Variants in FOXP1 observed in about 807,000 individuals in gnomAD.
FOXP1 encodes forkhead box protein P1.
FOXP1 carries 15 observed loss-of-function variants against 98.2 expected under a neutral mutation model. That is an observed-to-expected ratio of 0.15 (90% CI 0.10 to 0.24). FOXP1 has a LOEUF of 0.24. Ranked by LOEUF, FOXP1 falls within the 10% of genes least tolerant of loss-of-function variation. FOXP1 has a pLI of 1.00. For missense variants in FOXP1, 633 were observed against 848.5 expected (o/e 0.75, Z 3.15); for synonymous variants, 371 against 314.5 (o/e 1.18, Z -1.90).
intron 2 of FOXP1, among the ~76,000 whole-genome samples, chr3:71,534,102 G>A (rs563120378): frequency 1.1e-4 from 16 of 152,312 alleles, no homozygotes; most frequent in African/African-American, 3.4e-4. Flanking sequence ...GGTGGCAAAC[G>A]CCTGTAATCT....
chr3:71,474,915 C>A (rs975892970), intron 3 of FOXP1, among the ~76,000 whole-genome samples: 3 of 152,106 alleles, frequency 2.0e-5, no homozygotes, highest in African/African-American at 7.2e-5. Flanking sequence ...TGATTCTGGT[C>A]CCTGGTGCCA....
At chr3:71,145,593 G>T (rs2060271581) in intron 6 of FOXP1, among the ~76,000 whole-genome samples, 1 of 152,166 alleles carries the variant, frequency 6.6e-6, no homozygotes, top group Non-Finnish European at 1.5e-5. Flanking sequence ...TGTTTTCCAA[G>T]GTGGCAGCAT....
chr3:70,977,062 A>T lies in FOXP1; in HGVS notation c.1429-20T>A. 6.6e-7 allele frequency: 1 copy of T among 1,523,546 alleles called. No homozygotes were observed. The allele number at this position is 1,523,546 out of a possible 1,614,324, so 94.4% of individuals were successfully genotyped here. ...AATGGCCTGTGAAGCAGAATGTAAC[A>T]GAAGATAATTTATGACCAAATCAGC... On this transcript the variant is annotated intron_variant, in intron 16 of 20. Transcript: ENST00000649528.
At chr3:71,095,480 A>T (rs1261453718) in intron 7 of FOXP1, among the ~76,000 whole-genome samples, 1 of 152,350 alleles carries the variant, frequency 6.6e-6, no homozygotes, top group South Asian at 2.1e-4. Context: ...TAAAACAGAT[A>T]AAGAGGTAAG....
At chr3:71,577,678 A>G (rs1172917199) in intron 2 of FOXP1, among the ~76,000 whole-genome samples, 1 of 152,178 alleles carries the variant, frequency 6.6e-6, no homozygotes, top group Admixed American at 6.5e-5. Flanking sequence ...ACAAATGACA[A>G]GAAAGATCAT....
chr3:71,195,608 T>C (rs902108392), intron 6 of FOXP1, among the ~76,000 whole-genome samples: 3 of 152,234 alleles, frequency 2.0e-5, no homozygotes, highest in African/African-American at 7.2e-5. Context: ...GTCTTTGTAC[T>C]ACGGAATCTG....
At chr3:71,384,271 TCC>T (rs2080402995) in intron 3 of FOXP1, among the ~76,000 whole-genome samples, 1 of 152,126 alleles carries the variant, frequency 6.6e-6, no homozygotes, top group African/African-American at 2.4e-5. Flanking sequence ...CTGTTAAACA[TCC>T]TTCCAAATTT....
At chr3:71,347,781 G>A (rs918798013) in intron 4 of FOXP1, among the ~76,000 whole-genome samples, 2 of 151,854 alleles carry the variant, frequency 1.3e-5, no homozygotes, top group Non-Finnish European at 2.9e-5. Context: ...GCTACTCGGA[G>A]GGCTGAGGCA....
At chr3:71,088,144 C>A (rs565575594) in intron 7 of FOXP1, among the ~76,000 whole-genome samples, 1 of 152,296 alleles carries the variant, frequency 6.6e-6, no homozygotes, top group African/African-American at 2.4e-5. Flanking sequence ...TGCGAAAGAG[C>A]AACCAAGCTT....
intron 3 of FOXP1, among the ~76,000 whole-genome samples, chr3:71,473,913 C>T (rs1355525651): frequency 1.3e-5 from 2 of 152,170 alleles, no homozygotes; most frequent in Admixed American, 6.5e-5. Context: ...TGAAGCCCTA[C>T]ATGGGTGGGA....
chr3:71,088,567 T>C (rs1456539048), intron 7 of FOXP1, among the ~76,000 whole-genome samples: 1 of 152,208 alleles, frequency 6.6e-6, no homozygotes, highest in African/African-American at 2.4e-5. Context: ...AACAGTCTAT[T>C]TGAGTTGCGT....
At chr3:71,085,942 A>G (rs1368416016) in intron 7 of FOXP1, among the ~76,000 whole-genome samples, 1 of 151,222 alleles carries the variant, frequency 6.6e-6, no homozygotes, top group Non-Finnish European at 1.5e-5. Context: ...GTTGGCCAGG[A>G]TGGCCTTGAT....
At chr3:71,278,515 G>A (rs888386199) in intron 5 of FOXP1, among the ~76,000 whole-genome samples, 2 of 152,204 alleles carry the variant, frequency 1.3e-5, no homozygotes, top group East Asian at 3.9e-4. Context: ...GGGCACGGTG[G>A]CTCACACCTG....
intron 2 of FOXP1, among the ~76,000 whole-genome samples, chr3:71,559,600 T>C (rs967462485): frequency 3.9e-5 from 6 of 152,136 alleles, no homozygotes; most frequent in Admixed American, 3.3e-4. Flanking sequence ...TCCCAACACT[T>C]TGGGAGGCTG....
chr3:71,156,668 G>A (rs1424527104), intron 6 of FOXP1, among the ~76,000 whole-genome samples: 4 of 152,224 alleles, frequency 2.6e-5, no homozygotes, highest in Admixed American at 2.0e-4. Context: ...TTTCTAATGG[G>A]CAGAGGCCAT....
chr3:71,511,281 G>A (rs945050716), intron 2 of FOXP1, among the ~76,000 whole-genome samples: 6 of 152,086 alleles, frequency 3.9e-5, no homozygotes, highest in East Asian at 1.9e-4. Context: ...ATGACCAAAC[G>A]CAACTGCAAC....
chr3:71,484,558 T>C (rs1413444604), intron 3 of FOXP1, among the ~76,000 whole-genome samples: 1 of 152,192 alleles, frequency 6.6e-6, no homozygotes, highest in Non-Finnish European at 1.5e-5. Context: ...TGTCAAGCAC[T>C]GTATTAAGGA....
At chr3:71,561,658 C>T (rs1037718702) in intron 2 of FOXP1, among the ~76,000 whole-genome samples, 1 of 152,194 alleles carries the variant, frequency 6.6e-6, no homozygotes, top group Non-Finnish European at 1.5e-5. Flanking sequence ...CTGGCACTCA[C>T]TAAGCATTTT....
At chr3:71,247,331 T>C (rs2067829199) in intron 5 of FOXP1, among the ~76,000 whole-genome samples, 1 of 152,210 alleles carries the variant, frequency 6.6e-6, no homozygotes, top group Non-Finnish European at 1.5e-5. Context: ...TTGGCTGAGC[T>C]GCGACCTTCT....
Sources: allele counts gnomAD v4.1 joint callset (sites outside exome capture counted in the v4.1 genomes callset), GRCh38; gene constraint gnomAD v4.1.1; transcripts MANE v1.5; gene names NCBI Gene and HGNC (gene_info 2026-07-23, HGNC 2026-07-21).